Variants in MKLN1 observed in about 807,000 individuals in gnomAD.
The protein encoded by MKLN1 is muskelin 1, also known as muskelin.
In MKLN1, 18 loss-of-function variants were observed where a neutral mutation model predicts 99.0. The observed-to-expected ratio is 0.18, with a 90% CI of 0.13 to 0.27. The LOEUF (loss-of-function observed/expected upper bound fraction) is 0.27, where lower values mean the gene tolerates loss of function less well. Among genes scored for constraint, MKLN1 ranks in the 10% least tolerant of loss-of-function variants. The probability of loss-of-function intolerance (pLI) is 1.00; values close to 1 mark genes in which losing one functional copy is unlikely to be tolerated. For synonymous variants in MKLN1, 288 were observed against 293.2 expected (o/e 0.98, Z 0.18); for missense variants, 621 against 875.9 (o/e 0.71, Z 3.67).
intron 2 of MKLN1, among the ~76,000 whole-genome samples, chr7:131,169,080 G>A (rs1349498434): frequency 2.6e-5 from 4 of 152,100 alleles, no homozygotes; most frequent in African/African-American, 9.7e-5. Flanking sequence ...TGGCCAGGCT[G>A]GTCTCCAACT....
Position 131,466,296 on chromosome 7 carries a change from G to A in MKLN1, c.1809G>A (p.Gly603=). Residue 603 remains glycine, a synonymous_variant, in exon 15 of 18, where the codon GGG becomes GGA. Transcript: ENST00000352689. ...TATAGGTTCATTACTTATTTGGTGG[G>A]AATCCAGGAAAATCTTGCTCTCCAA... The part of the protein sequence containing the change: ...ELHKVHYLFG[G]NPGKSCSPKM... 6.2e-7 allele frequency: 1 copy of A among 1,601,492 alleles called. No homozygotes were observed. The highest frequency in any genetic ancestry group is 2.2e-5 in the East Asian group (1 of 44,656).
intron 3 of MKLN1, among the ~76,000 whole-genome samples, chr7:131,260,192 G>A (rs907429093): frequency 4.6e-5 from 7 of 151,924 alleles, no homozygotes; most frequent in African/African-American, 1.2e-4. Flanking sequence ...ACAGGCACAC[G>A]CCACCATGCC....
intron 2 of MKLN1, among the ~76,000 whole-genome samples, chr7:131,197,411 ATTATTATTAT>A (rs1210460234): frequency 2.2e-5 from 3 of 133,516 alleles, no homozygotes; most frequent in African/African-American, 8.3e-5. Flanking sequence ...TATTATTATT[ATTATTATTAT>A]TATTATTTTG....
intron 8 of MKLN1, among the ~76,000 whole-genome samples, chr7:131,422,146 T>C (rs1308973725): frequency 6.6e-6 from 1 of 152,208 alleles, no homozygotes; most frequent in Admixed American, 6.5e-5. Context: ...AGCACAAGGA[T>C]TCTTTATCTG....
At chr7:131,426,234 G>A (rs1009651085) in intron 8 of MKLN1, among the ~76,000 whole-genome samples, 3 of 152,200 alleles carry the variant, frequency 2.0e-5, no homozygotes, top group African/African-American at 7.2e-5. Context: ...AGAACATTGA[G>A]AACCCAGAGC....
At chr7:131,114,379 G>A (rs1795243435) in intron 1 of MKLN1, among the ~76,000 whole-genome samples, 1 of 152,150 alleles carries the variant, frequency 6.6e-6, no homozygotes. Context: ...ATTGAACAGG[G>A]AAGTCTAGAA....
At chr7:131,279,087 G>A (rs1044792681) in intron 3 of MKLN1, among the ~76,000 whole-genome samples, 2 of 152,198 alleles carry the variant, frequency 1.3e-5, no homozygotes, top group African/African-American at 2.4e-5. Context: ...TTTACTGTGT[G>A]CCAGACACTG....
intron 12 of MKLN1, among the ~76,000 whole-genome samples, chr7:131,454,816 C>G (rs895235131): frequency 2.0e-5 from 3 of 152,122 alleles, no homozygotes; most frequent in Non-Finnish European, 4.4e-5. Context: ...TCTTTGCCTC[C>G]CTGCTTTGGG....
intron 3 of MKLN1, among the ~76,000 whole-genome samples, chr7:131,296,612 C>T (rs543054733): frequency 6.6e-6 from 1 of 152,034 alleles, no homozygotes; most frequent in African/African-American, 2.4e-5. Flanking sequence ...TAAAAAAATA[C>T]AGTAGTTGGC....
chr7:131,297,394 A>G (rs1020489955), intron 3 of MKLN1, among the ~76,000 whole-genome samples: 6 of 137,464 alleles, frequency 4.4e-5, no homozygotes, highest in African/African-American at 7.9e-5. Flanking sequence ...GTGTGTGTGT[A>G]TATATATACA....
chr7:131,479,230 T>G (rs192814893), intron 17 of MKLN1, among the ~76,000 whole-genome samples: 2 of 152,322 alleles, frequency 1.3e-5, no homozygotes, highest in African/African-American at 4.8e-5. Flanking sequence ...CTTTTAGTAT[T>G]AATGAATTAT....
At chr7:131,407,687 T>G (rs953332383) in intron 6 of MKLN1, among the ~76,000 whole-genome samples, 6 of 131,072 alleles carry the variant, frequency 4.6e-5, no homozygotes, top group Non-Finnish European at 1.0e-4. Context: ...TGAAACATGG[T>G]TTTTTTTTTT....
intron 2 of MKLN1, among the ~76,000 whole-genome samples, chr7:131,386,578 T>C (rs1041243885): frequency 1.3e-5 from 2 of 152,196 alleles, no homozygotes; most frequent in African/African-American, 4.8e-5. Context: ...TCTATTTAAT[T>C]GATCCCGTTT....
At chr7:131,293,601 GA>G (rs1798251922) in intron 3 of MKLN1, among the ~76,000 whole-genome samples, 1 of 152,138 alleles carries the variant, frequency 6.6e-6, no homozygotes, top group Non-Finnish European at 1.5e-5. Context: ...CTGAGGCCAG[GA>G]ATTCCAGACC....
intron 1 of MKLN1, 68 bp downstream of exon 1, chr7:131,328,065 A>C: frequency 6.5e-7 from 1 of 1,544,868 alleles, no homozygotes. Flanking sequence ...CCAGGGGTGC[A>C]ATGGAGGGCA....
intron 1 of MKLN1, among the ~76,000 whole-genome samples, chr7:131,139,515 TAGCTGCCTGGCC>T (rs1795700371): frequency 1.3e-5 from 2 of 152,324 alleles, no homozygotes; most frequent in South Asian, 4.1e-4. Flanking sequence ...CCTGCTTGGA[TAGCTGCCTGGCC>T]AGCTGCAGAG....
intron 3 of MKLN1, among the ~76,000 whole-genome samples, chr7:131,318,117 A>C (rs1010210765): frequency 2.0e-5 from 3 of 152,218 alleles, no homozygotes; most frequent in African/African-American, 7.2e-5. Context: ...GACTTAATAG[A>C]TATCTATAGA....
intron 1 of MKLN1, among the ~76,000 whole-genome samples, chr7:131,345,480 T>C (rs1363211846): frequency 6.6e-6 from 1 of 152,192 alleles, no homozygotes; most frequent in African/African-American, 2.4e-5. Context: ...TATTTATTTA[T>C]GTGAGCAAGG....
Position 131,175,337 on chromosome 7 carries a change from T to G in MKLN1, c.-296-27520T>G, listed in dbSNP as rs1796283187. Among the ~76,000 whole-genome samples, 5 of 152,208 alleles carry G rather than the reference T, an allele frequency of 3.3e-5. No individual in the cohort carries two copies. In the South Asian group the frequency reaches 1.0e-3, roughly 31 times the overall value. Reference sequence around the variant, plus strand: ...TATGAAAAGATGGAGCTTCTGTGACTGACAATAGCTTAAGCAAAGACAGGG... The same window carrying G: ...TATGAAAAGATGGAGCTTCTGTGACGGACAATAGCTTAAGCAAAGACAGGG... On this transcript the variant is annotated intron_variant, in intron 2 of 7. Coordinates refer to the MKLN1 transcript ENST00000416992.
Sources: gnomAD v4.1 joint callset for allele counts (sites outside exome capture counted in the v4.1 genomes callset) on GRCh38, gnomAD v4.1.1 for gene constraint, MANE v1.5 for transcripts, NCBI Gene and HGNC (gene_info 2026-07-23, HGNC 2026-07-21) for gene names.